The following GLS variants were observed in gnomAD, a reference collection of about 807,000 sequenced individuals.
The protein encoded by GLS is glutaminase kidney isoform, mitochondrial.
Under a neutral mutation model 86.7 loss-of-function variants are expected in GLS, and 36 were observed. The observed-to-expected ratio is 0.42, with a 90% CI of 0.32 to 0.55. The LOEUF (loss-of-function observed/expected upper bound fraction) is 0.55. Among genes scored for constraint, GLS ranks in the 20% least tolerant of loss-of-function variants. The pLI, the probability that GLS is intolerant of heterozygous loss-of-function variation, is 0.17. For missense variants in GLS, 528 were observed against 833.4 expected (o/e 0.63, Z 4.51); for synonymous variants, 317 against 305.9 (o/e 1.04, Z -0.38).
intron 14 of GLS, chr2:190,933,074 A>C: frequency 4.0e-6 from 4 of 1,008,074 alleles, no homozygotes; most frequent in Non-Finnish European, 4.9e-6. Flanking sequence ...TTACAAGTAC[A>C]TAAATTTGCT....
intron 7 of GLS, among the ~76,000 whole-genome samples, chr2:190,911,440 A>C (rs1274729954): frequency 6.6e-6 from 1 of 152,122 alleles, no homozygotes; most frequent in Non-Finnish European, 1.5e-5. Flanking sequence ...AATTCTTATA[A>C]CTCTAATGAA....
chr2:190,956,006 A>G lies in GLS; in HGVS notation c.1853+1188A>G, dbSNP rs1690853206. On this transcript the variant is annotated intron_variant, in intron 17 of 17. Coordinates refer to ENST00000320717, the MANE Select transcript of GLS (RefSeq NM_014905.5). The surrounding 1 kb of genome is among the most constrained non-coding windows in gnomAD (Gnocchi z 4.2). ...TTGTAAATTTGCTTAACTTCCTTGT[A>G]GATTCTGGATATTAGCCCTTTGTCA... Among the ~76,000 whole-genome samples the G allele has an allele frequency of 6.6e-6, 1 of 152,164 alleles. No homozygotes were observed. The highest frequency in any genetic ancestry group is 2.4e-5 in the African/African-American group (1 of 41,428).
Position 190,965,507 on chromosome 2 carries a change from A to G in GLS, c.*2521A>G, listed in dbSNP as rs918859474. The G allele has an allele frequency of 3.2e-4, 49 of 152,770 alleles. No homozygotes were observed. The highest frequency in any genetic ancestry group is 1.2e-3 in the African/African-American group (48 of 41,590). The allele number at this position is 152,770 out of a possible 1,614,324, so 9.5% of individuals were successfully genotyped here. On this transcript the variant is annotated 3_prime_UTR_variant, in exon 18 of 18. Coordinates refer to ENST00000320717, the MANE Select transcript of GLS (RefSeq NM_014905.5). This position sits in a 1 kb window ranked among gnomAD's most constrained non-coding sequence, Gnocchi z 5.0. ...ACATTTATTTTAAATGCAATCAGGTAGTGTTGCTTTTTACAGCATAATAAA... is the reference window on the plus strand; with the variant it reads ...ACATTTATTTTAAATGCAATCAGGTGGTGTTGCTTTTTACAGCATAATAAA...
rs543519810 is a variant in GLS, at chr2:190,881,108, G to A, written c.24G>A (p.Gly8=). The A allele has an allele frequency of 1.1e-5, 17 of 1,562,550 alleles. No homozygotes were observed. In the South Asian group the frequency reaches 2.0e-4, roughly 18 times the overall value. MMRLRGS[G]MLRDLLLRSP... is the part of the protein sequence containing the mutation. ...GCATGATGCGGCTGCGAGGCTCGGG[G>A]ATGCTGCGGGACCTGCTCCTGCGGT... The change falls in exon 1 of 18, where the codon GGG becomes GGA. Residue 8 remains glycine, a synonymous_variant. Coordinates refer to ENST00000320717, the MANE Select transcript of GLS (RefSeq NM_014905.5).
intron 1 of GLS, among the ~76,000 whole-genome samples, chr2:190,891,041 T>TTA (rs1553574687): frequency 6.6e-6 from 1 of 151,750 alleles, no homozygotes; most frequent in Non-Finnish European, 1.5e-5. Flanking sequence ...ATTTTTTTTT[T>TTA]ATTTTCTTCC....
In GLS at chr2:190,954,318, C is replaced by A. The variant is rs112075317; in HGVS notation, c.1713-266C>A. ...CAGTTGTGCCATAATTCTTAAGTTGCGAACAATAATGTAATAAAGTTTAAT... is the reference window on the plus strand; with the variant it reads ...CAGTTGTGCCATAATTCTTAAGTTGAGAACAATAATGTAATAAAGTTTAAT... On this transcript the variant is annotated intron_variant, in intron 15 of 17. Transcript: ENST00000320717. This position sits in a 1 kb window ranked among gnomAD's most constrained non-coding sequence, Gnocchi z 4.0. Among the ~76,000 whole-genome samples the A allele has an allele frequency of 6.6e-6, 1 of 151,990 alleles. No homozygotes were observed. The highest frequency in any genetic ancestry group is 1.5e-5 in the Non-Finnish European group (1 of 67,986).
chr2:190,886,138 T>C (rs1258558725), intron 1 of GLS, among the ~76,000 whole-genome samples: 1 of 152,188 alleles, frequency 6.6e-6, no homozygotes. Flanking sequence ...CCCAAATTGC[T>C]GGGATTACAG....
intron 4 of GLS, among the ~76,000 whole-genome samples, chr2:190,901,500 A>G (rs1688936510): frequency 6.6e-6 from 1 of 152,044 alleles, no homozygotes; most frequent in South Asian, 2.1e-4. Flanking sequence ...TGAAGTTTAA[A>G]TCCATGTTCA....
intron 7 of GLS, among the ~76,000 whole-genome samples, chr2:190,915,157 A>AT (rs79204505): frequency 0.013 from 1,778 of 138,960 alleles, 12 homozygotes; most frequent in African/African-American, 0.02. Context: ...TGCCTGGCTA[A>AT]TTTTTTTTTT....
chr2:190,925,417 G>C (rs145379987), intron 11 of GLS, among the ~76,000 whole-genome samples: 1 of 152,114 alleles, frequency 6.6e-6, no homozygotes. Flanking sequence ...GGGGTTGAGC[G>C]AGAGGGACCG....
Position 190,895,019 on chromosome 2 carries a change from T to G in GLS, c.387-133T>G. On this transcript the variant is annotated intron_variant, in intron 1 of 17. Coordinates refer to ENST00000320717, the MANE Select transcript of GLS (RefSeq NM_014905.5). This position sits in a 1 kb window ranked among gnomAD's most constrained non-coding sequence, Gnocchi z 4.2. ...GATTTGATTTTGGTAAATCAACATT[T>G]ATTATGACTGTAGTCTTGAGTATAT... 2.1e-6 allele frequency: 1 copy of G among 478,536 alleles called. No homozygotes were observed. The highest frequency in any genetic ancestry group is 4.9e-5 in the South Asian group (1 of 20,260). The allele number at this position is 478,536 out of a possible 1,614,324, so 29.6% of individuals were successfully genotyped here.
At chr2:190,944,054 T>G (rs1517356) in intron 14 of GLS, among the ~76,000 whole-genome samples, 17,528 of 152,178 alleles carry the variant, frequency 0.12, 1,382 homozygotes, top group Admixed American at 0.27. Flanking sequence ...ACCATAATTC[T>G]TCCTGTATGA....
At position 190,913,495 on chromosome 2, in the gene GLS, T is replaced by G. The variant is rs1291887260; in HGVS notation, c.1038+3174T>G. On this transcript the variant is annotated intron_variant, in intron 7 of 17. Coordinates refer to ENST00000320717, the MANE Select transcript of GLS (RefSeq NM_014905.5). The surrounding 1 kb of genome is among the most constrained non-coding windows in gnomAD (Gnocchi z 6.1). Reference sequence around the variant, plus strand: ...CTAACTTTAAAGGAATACTTTTTGTTGTAATCTGTTTTATTTGGGATTGTG... The same window carrying G: ...CTAACTTTAAAGGAATACTTTTTGTGGTAATCTGTTTTATTTGGGATTGTG... The G allele has an allele frequency of 1.0e-6, 1 of 990,094 alleles. No individual in the cohort carries two copies. The highest frequency in any genetic ancestry group is 1.8e-5 in the African/African-American group (1 of 57,032). The allele number at this position is 990,094 out of a possible 1,614,324, so 61.3% of individuals were successfully genotyped here.
intron 7 of GLS, among the ~76,000 whole-genome samples, chr2:190,918,294 T>C (rs1263108915): frequency 2.0e-5 from 3 of 152,218 alleles, no homozygotes; most frequent in Admixed American, 1.3e-4. Flanking sequence ...GGTAACTTGC[T>C]GCACCTTCTG....
Position 190,921,260 on chromosome 2 carries a change from G to A in GLS, c.1130+57G>A. ...AAAACACACAACTGTATTTAGAATT[G>A]ATCCACTCTCTTTTCATTGGAGGGA... On this transcript the variant is annotated intron_variant, in intron 9 of 17. Coordinates refer to ENST00000320717, the MANE Select transcript of GLS (RefSeq NM_014905.5). This position sits in a 1 kb window ranked among gnomAD's most constrained non-coding sequence, Gnocchi z 4.2. 1.8e-6 allele frequency: 2 copies of A among 1,091,414 alleles called. No homozygotes were observed. Among genetic ancestry groups the A allele is most frequent in the African/African-American group, 3.1e-5 (2 of 64,866 alleles). 67.6% of individuals were successfully genotyped at this position (1,091,414 alleles called of 1,614,324 possible).
chr2:190,906,618 CCT>C (rs1230783111), intron 6 of GLS, among the ~76,000 whole-genome samples: 9 of 152,104 alleles, frequency 5.9e-5, no homozygotes, highest in African/African-American at 2.2e-4. Flanking sequence ...GAGCCAACAC[CCT>C]GAGTCTTGAA....
At position 190,913,661 on chromosome 2, in the gene GLS, T is replaced by A. The variant is rs16833053; in HGVS notation, c.1038+3340T>A. 6.3e-4 allele frequency: 614 copies of A among 977,262 alleles called. 5 individuals are homozygous for A. In the African/African-American group the frequency reaches 0.01, roughly 16 times the overall value. 60.5% of individuals were successfully genotyped at this position (977,262 alleles called of 1,614,324 possible). A position where few individuals can be genotyped will look rare whatever the true frequency, so the allele number is the denominator to read the frequency against. On this transcript the variant is annotated intron_variant, in intron 7 of 17. Coordinates refer to ENST00000320717, the MANE Select transcript of GLS (RefSeq NM_014905.5). This position sits in a 1 kb window ranked among gnomAD's most constrained non-coding sequence, Gnocchi z 6.1. ...ATTTCACGTAGTTTTAGTTTAAAAG[T>A]TAAGATCTGGTGATAACTTAAGGGT...
At chr2:190,882,052 C>T (rs914505581) in intron 1 of GLS, 2 of 152,066 alleles carry the variant, frequency 1.3e-5, no homozygotes, top group Non-Finnish European at 2.9e-5. Flanking sequence ...CGTGTAGAGC[C>T]ATCTGGGGCA....
Position 190,963,197 on chromosome 2 carries a change from A to C in GLS, c.*211A>C. 2.3e-6 allele frequency: 1 copy of C among 430,236 alleles called. No homozygotes were observed. The highest frequency in any genetic ancestry group is 4.2e-6 in the Non-Finnish European group (1 of 240,906). The allele number at this position is 430,236 out of a possible 1,614,324, so 26.7% of individuals were successfully genotyped here. A position where few individuals can be genotyped will look rare whatever the true frequency, so the allele number is the denominator to read the frequency against. On this transcript the variant is annotated 3_prime_UTR_variant, in exon 18 of 18. Transcript: ENST00000320717. Reference sequence around the variant, plus strand: ...AATCTCCCTCCATAATGTGAGCAATATTACCTCGTGCATTGTATAATTTGA... The same window carrying C: ...AATCTCCCTCCATAATGTGAGCAATCTTACCTCGTGCATTGTATAATTTGA...
Sources: allele counts gnomAD v4.1 joint callset (sites outside exome capture counted in the v4.1 genomes callset), GRCh38; gene constraint gnomAD v4.1.1; non-coding constraint Gnocchi (gnomAD v3.1); transcripts MANE v1.5; gene names NCBI Gene and HGNC (gene_info 2026-07-23, HGNC 2026-07-21).